TPTE2: variants seen among roughly 807,000 people sequenced by gnomAD.
The protein encoded by TPTE2 is phosphatidylinositol 3,4,5-trisphosphate 3-phosphatase TPTE2.
A neutral mutation model predicts 78.6 loss-of-function variants in TPTE2; 53 were observed. The observed-to-expected ratio is 0.67, with a 90% confidence interval of 0.54 to 0.85. TPTE2 has a LOEUF of 0.85. TPTE2 is among the 40% of genes least tolerant of loss of function. TPTE2 has a pLI of 0.00. For synonymous variants in TPTE2, 175 were observed against 206.2 expected, an observed-to-expected ratio of 0.85 and a Z score of 1.30; for missense variants, 461 against 623.0, an observed-to-expected ratio of 0.74 and a Z score of 2.77.
chr13:19,484,181 G>A (rs2932154), intron 3 of TPTE2, among the ~76,000 whole-genome samples: 28,513 of 152,012 alleles, frequency 0.19, 3,679 homozygotes, highest in African/African-American at 0.36. Flanking sequence ...TTTGTTTCAA[G>A]GAATTCTTAA....
intron 10 of TPTE2, among the ~76,000 whole-genome samples, chr13:19,455,288 C>T (rs1391911580): frequency 1.3e-5 from 2 of 152,186 alleles, no homozygotes; most frequent in Non-Finnish European, 2.9e-5. Flanking sequence ...TATAAAAATG[C>T]TTCCCTGCCT....
the TPTE2 span, among the ~76,000 whole-genome samples, chr13:19,544,371 C>T: frequency 6.6e-6 from 1 of 151,728 alleles, no homozygotes; most frequent in Non-Finnish European, 1.5e-5. Context: ...ACTTAGAATG[C>T]TCCAGGAGGT....
chr13:19,423,250 A>C, intron 19 of TPTE2, 86 bp from the exon 23 acceptor site: 3 of 999,562 alleles, frequency 3.0e-6, no homozygotes, highest in Non-Finnish European at 4.3e-6. Context: ...AGCTGGAAGA[A>C]ACAAAAAAAA....
chr13:19,554,877 G>T, the TPTE2 span, among the ~76,000 whole-genome samples: 1 of 152,230 alleles, frequency 6.6e-6, no homozygotes, highest in East Asian at 1.9e-4. Flanking sequence ...CTGATACTGG[G>T]AAACAATCAG....
chr13:19,529,387 A>T (rs1870725381), intron 1 of TPTE2, among the ~76,000 whole-genome samples: 2 of 152,122 alleles, frequency 1.3e-5, no homozygotes, highest in African/African-American at 4.8e-5. Context: ...TCAGCCTCCC[A>T]AAGTGCTGAG....
At chr13:19,547,227 C>T in the TPTE2 span, among the ~76,000 whole-genome samples, 6 of 152,210 alleles carry the variant, frequency 3.9e-5, no homozygotes, top group East Asian at 3.9e-4. Context: ...GAGGCTGAGG[C>T]GGGTGGATTG....
intron 1 of TPTE2, among the ~76,000 whole-genome samples, chr13:19,497,631 A>C (rs1224513579): frequency 2.3e-5 from 3 of 130,004 alleles, no homozygotes; most frequent in Admixed American, 8.3e-5. Context: ...AAGGACATCC[A>C]CACCAAAAAC....
chr13:19,517,944 A>G (rs1375668048), intron 1 of TPTE2, among the ~76,000 whole-genome samples: 1 of 152,156 alleles, frequency 6.6e-6, no homozygotes, highest in Non-Finnish European at 1.5e-5. Flanking sequence ...TTTCTTTTAT[A>G]TGAAATGGAG....
At chr13:19,495,072 T>C (rs1881225508) in intron 1 of TPTE2, among the ~76,000 whole-genome samples, 3 of 152,180 alleles carry the variant, frequency 2.0e-5, no homozygotes, top group Non-Finnish European at 4.4e-5. Flanking sequence ...TTAATTCTAG[T>C]TCAAATTTAC....
intron 10 of TPTE2, among the ~76,000 whole-genome samples, chr13:19,454,835 C>T (rs535750006): frequency 5.7e-4 from 87 of 152,164 alleles, no homozygotes; most frequent in Non-Finnish European, 1.2e-3. Flanking sequence ...ATATTAGTCA[C>T]CACCAAATCT....
chr13:19,422,964 C>G, exon 20 of TPTE2: 1 of 1,476,878 alleles, frequency 6.8e-7, no homozygotes, highest in Non-Finnish European at 9.2e-7. Context: ...ACTTAGGACA[C>G]ATGAACATGT....
upstream of TPTE2, among the ~76,000 whole-genome samples, chr13:19,504,119 G>A (rs114101292): frequency 0.021 from 3,229 of 152,076 alleles, 123 homozygotes; most frequent in African/African-American, 0.074. Flanking sequence ...ACTTGGCAGC[G>A]CTACAGAATT....
At chr13:19,543,865 C>G in the TPTE2 span, among the ~76,000 whole-genome samples, 1 of 151,626 alleles carries the variant, frequency 6.6e-6, no homozygotes, top group Non-Finnish European at 1.5e-5. Flanking sequence ...GAGTTCAAGA[C>G]CAGACTGGGC....
upstream of TPTE2, among the ~76,000 whole-genome samples, chr13:19,507,844 G>A (rs1447902811): frequency 1.3e-5 from 2 of 152,128 alleles, no homozygotes; most frequent in Non-Finnish European, 2.9e-5. Flanking sequence ...TCCGTTTTCT[G>A]TCCATAATGC....
chr13:19,513,007 G>C (rs1162796199), intron 1 of TPTE2, among the ~76,000 whole-genome samples: 2 of 152,182 alleles, frequency 1.3e-5, no homozygotes, highest in Non-Finnish European at 2.9e-5. Flanking sequence ...TGTTAAAAGG[G>C]AATAGTAACA....
At chr13:19,524,833 C>G (rs748737197) in intron 1 of TPTE2, among the ~76,000 whole-genome samples, 4 of 151,992 alleles carry the variant, frequency 2.6e-5, no homozygotes, top group Non-Finnish European at 5.9e-5. Flanking sequence ...TCATAATGAA[C>G]AAATACATGG....
chr13:19,544,625 G>A, the TPTE2 span, among the ~76,000 whole-genome samples: 6 of 152,190 alleles, frequency 3.9e-5, no homozygotes, highest in African/African-American at 1.4e-4. Flanking sequence ...GCCAGGCACG[G>A]TGGCTCATGC....
At chr13:19,495,976 C>A (rs1881286971) in intron 1 of TPTE2, among the ~76,000 whole-genome samples, 1 of 152,154 alleles carries the variant, frequency 6.6e-6, no homozygotes. Context: ...TCAAGCAATT[C>A]TCCTGCCTCA....
chr13:19,511,069 A>G (rs1283389978), intron 1 of TPTE2, among the ~76,000 whole-genome samples: 2 of 152,240 alleles, frequency 1.3e-5, no homozygotes, highest in East Asian at 1.9e-4. Context: ...TATTCAGTCA[A>G]ATTTAAAATG....
Sources: allele counts gnomAD v4.1 joint callset (sites outside exome capture counted in the v4.1 genomes callset), GRCh38; gene constraint gnomAD v4.1.1; transcripts MANE v1.5; gene names NCBI Gene and HGNC (gene_info 2026-07-23, HGNC 2026-07-21).